The following PDE1A variants were observed in gnomAD, a reference collection of about 807,000 sequenced individuals.
PDE1A encodes the protein phosphodiesterase 1A, also known as dual specificity calcium/calmodulin-dependent 3',5'-cyclic nucleotide phosphodiesterase 1A.
PDE1A carries 35 observed loss-of-function variants against 61.7 expected under a neutral mutation model. That is an observed-to-expected ratio of 0.57 (90% confidence interval 0.43 to 0.75). The LOEUF is 0.75. Ranked by LOEUF, PDE1A falls within the 30% of genes least tolerant of loss-of-function variation. PDE1A has a pLI of 0.00. For synonymous variants in PDE1A, 232 were observed against 213.2 expected (o/e 1.09, Z -0.77); for missense variants, 597 against 630.6 (o/e 0.95, Z 0.57).
chr2:182,323,673 G>A (rs557827358), intron 1 of PDE1A, among the ~76,000 whole-genome samples: 31 of 152,302 alleles, frequency 2.0e-4, no homozygotes, highest in African/African-American at 7.2e-4. Context: ...GAGGGTCCTT[G>A]TCTGGAGAGG....
chr2:182,512,585 G>GT (rs759278899), intron 2 of PDE1A, among the ~76,000 whole-genome samples: 3 of 152,138 alleles, frequency 2.0e-5, no homozygotes, highest in Non-Finnish European at 4.4e-5. Context: ...ACCCAGCAAT[G>GT]TTTTTTTACC....
chr2:182,360,529 GTTTT>G (rs200227796), intron 1 of PDE1A, among the ~76,000 whole-genome samples: 2 of 128,568 alleles, frequency 1.6e-5, no homozygotes, highest in African/African-American at 2.9e-5. Flanking sequence ...GCAGTTTAGT[GTTTT>G]TTTTTTTTTT....
chr2:182,615,016 C>T, the PDE1A span, among the ~76,000 whole-genome samples: 5 of 152,106 alleles, frequency 3.3e-5, no homozygotes, highest in Admixed American at 2.0e-4. Context: ...CTATACACTC[C>T]GTTAGTCAGA....
At chr2:182,527,323 AAAAAATATATAT>A (rs1690789658), upstream of PDE1A, among the ~76,000 whole-genome samples, 4 of 41,080 alleles carry the variant, frequency 9.7e-5, no homozygotes, top group Non-Finnish European at 1.3e-4. Flanking sequence ...AAAAAAAAAA[AAAAAATATATAT>A]ATATATATAT....
At chr2:182,236,107 G>C (rs1689989545) in intron 3 of PDE1A, among the ~76,000 whole-genome samples, 1 of 152,150 alleles carries the variant, frequency 6.6e-6, no homozygotes, top group Admixed American at 6.5e-5. Context: ...ACACTTTCAT[G>C]CTTCCACTTT....
intron 1 of PDE1A, among the ~76,000 whole-genome samples, chr2:182,331,672 G>A (rs1697419615): frequency 6.6e-6 from 1 of 152,134 alleles, no homozygotes; most frequent in Non-Finnish European, 1.5e-5. Context: ...GTTGAATATT[G>A]TCACCCACTC....
the PDE1A span, among the ~76,000 whole-genome samples, chr2:182,630,249 T>C: frequency 6.6e-6 from 1 of 152,214 alleles, no homozygotes; most frequent in Non-Finnish European, 1.5e-5. Context: ...TGTTGCTAAC[T>C]TTAATATTTA....
chr2:182,361,275 T>G (rs752519724), intron 1 of PDE1A, among the ~76,000 whole-genome samples: 122 of 152,220 alleles, frequency 8.0e-4, no homozygotes, highest in Non-Finnish European at 1.4e-3. Context: ...ACGTAATGCA[T>G]AGTGATCAAA....
At chr2:182,240,318 T>C (rs772057298) in intron 2 of PDE1A, 26 bp from the exon 3 acceptor site, 1 of 1,428,394 alleles carries the variant, frequency 7.0e-7, no homozygotes, top group Admixed American at 2.5e-5. Context: ...CAGATTAAAC[T>C]TTTTTATAAA....
the PDE1A span, among the ~76,000 whole-genome samples, chr2:182,560,800 T>G: frequency 6.6e-6 from 1 of 152,078 alleles, no homozygotes; most frequent in Non-Finnish European, 1.5e-5. Flanking sequence ...TGATTTGCAT[T>G]TCTCTGATGG....
the PDE1A span, among the ~76,000 whole-genome samples, chr2:182,668,006 CA>C: frequency 6.6e-6 from 1 of 152,128 alleles, no homozygotes; most frequent in Non-Finnish European, 1.5e-5. Context: ...GATGAAGATG[CA>C]ACACCCTTCC....
intron 10 of PDE1A, among the ~76,000 whole-genome samples, chr2:182,189,435 C>G (rs1366292034): frequency 6.6e-6 from 1 of 152,068 alleles, no homozygotes; most frequent in Non-Finnish European, 1.5e-5. Flanking sequence ...TTATTTATGC[C>G]AAGTATATCA....
intron 13 of PDE1A, among the ~76,000 whole-genome samples, chr2:182,154,841 A>G (rs377515744): frequency 2.6e-5 from 4 of 152,282 alleles, no homozygotes; most frequent in South Asian, 4.1e-4. Flanking sequence ...CCATTTCTCA[A>G]TTTACAAGTT....
the PDE1A span, among the ~76,000 whole-genome samples, chr2:182,678,120 C>G: frequency 6.6e-6 from 1 of 152,124 alleles, no homozygotes; most frequent in Non-Finnish European, 1.5e-5. Context: ...TTAGTTGTAA[C>G]GCCATTAAGA....
intron 1 of PDE1A, among the ~76,000 whole-genome samples, chr2:182,299,402 T>A (rs1316836838): frequency 6.7e-6 from 1 of 149,100 alleles, no homozygotes; most frequent in Non-Finnish European, 1.5e-5. Flanking sequence ...AAAGACCGAG[T>A]ACAAGTCCTT....
chr2:182,499,427 T>C (rs1048691434), intron 2 of PDE1A, among the ~76,000 whole-genome samples: 2 of 152,224 alleles, frequency 1.3e-5, no homozygotes, highest in African/African-American at 4.8e-5. Flanking sequence ...TTTTACCATG[T>C]TGACCAGGCT....
At chr2:182,621,246 T>A in the PDE1A span, among the ~76,000 whole-genome samples, 1 of 152,224 alleles carries the variant, frequency 6.6e-6, no homozygotes, top group Non-Finnish European at 1.5e-5. Context: ...GGGCTATCCA[T>A]CCTTCTCTCT....
intron 1 of PDE1A, among the ~76,000 whole-genome samples, chr2:182,404,871 T>C (rs1257172200): frequency 6.6e-6 from 1 of 152,302 alleles, no homozygotes; most frequent in African/African-American, 2.4e-5. Context: ...TACAGTTAAC[T>C]TATTAAAAAT....
At chr2:182,206,065 C>A in exon 8 of PDE1A, 3 of 1,600,460 alleles carry the variant, frequency 1.9e-6, no homozygotes, top group Non-Finnish European at 2.6e-6. Context: ...CAACATCTGA[C>A]CTAAGAATTA....
Sources: gnomAD v4.1 joint callset for allele counts (sites outside exome capture counted in the v4.1 genomes callset) on GRCh38, gnomAD v4.1.1 for gene constraint, MANE v1.5 for transcripts, NCBI Gene and HGNC (gene_info 2026-07-23, HGNC 2026-07-21) for gene names.